Variants in BRD7 observed in about 807,000 individuals in gnomAD.
BRD7 encodes bromodomain containing 7, also known as bromodomain-containing protein 7.
Under a neutral mutation model 82.1 loss-of-function variants are expected in BRD7, and 15 were observed. That is an observed-to-expected ratio of 0.18 (90% CI 0.12 to 0.28). BRD7 has a LOEUF of 0.28. Among genes scored for constraint, BRD7 ranks in the 10% least tolerant of loss-of-function variants. The pLI, the probability that BRD7 is intolerant of heterozygous loss-of-function variation, is 1.00. For synonymous variants in BRD7, 232 were observed against 266.9 expected (o/e 0.87, Z 1.27); for missense variants, 638 against 779.9 (o/e 0.82, Z 2.17).
chr16:50,348,932 T>C (rs2038400358), intron 5 of BRD7: 1 of 152,286 alleles, frequency 6.6e-6, no homozygotes, highest in Non-Finnish European at 1.5e-5. Context: ...TTATAAATCA[T>C]GCTGCTATAA....
At chr16:50,334,686 C>A (rs1326030092) in intron 7 of BRD7, 25 bp downstream of exon 7, 3 of 1,609,986 alleles carry the variant, frequency 1.9e-6, no homozygotes, top group Non-Finnish European at 2.5e-6. Flanking sequence ...GACAGTTTGA[C>A]CTTAACATCC....
At position 50,317,855 on chromosome 16, in the gene BRD7, A is replaced by ATAAT. The variant is rs1226142939; in HGVS notation, c.*1352_*1355dup. On this transcript the variant is annotated 3_prime_UTR_variant, in exon 17 of 17. Transcript: ENST00000394688. ...TTCTCCTGAGTTAACTTTTGTGAAA[A>ATAAT]TAATACCTAAGGTTTTCTGGCTTAT... is the stretch of plus-strand genomic sequence containing the variant. The ATAAT allele has an allele frequency of 6.6e-6, 1 of 152,262 alleles. No individual in the cohort carries two copies. Among genetic ancestry groups the ATAAT allele is most frequent in the African/African-American group, 2.4e-5 (1 of 41,410 alleles). 9.4% of individuals were successfully genotyped at this position (152,262 alleles called of 1,614,324 possible). A position where few individuals can be genotyped will look rare whatever the true frequency, so the allele number is the denominator to read the frequency against.
intron 9 of BRD7, among the ~76,000 whole-genome samples, chr16:50,326,758 A>G (rs765151804): frequency 1.3e-5 from 2 of 152,252 alleles, no homozygotes; most frequent in Non-Finnish European, 2.9e-5. Flanking sequence ...GACTGAGGGA[A>G]AACACCTGCA....
intron 16 of BRD7, 31 bp from the exon 17 acceptor site, chr16:50,319,297 A>ATTGT (rs1422427709): frequency 1.9e-6 from 3 of 1,603,612 alleles, no homozygotes; most frequent in Non-Finnish European, 1.7e-6. Flanking sequence ...TTAATTCAAC[A>ATTGT]TTGTTTTTAC....
chr16:50,359,732 C>A (rs1737706069), intron 2 of BRD7, among the ~76,000 whole-genome samples: 2 of 152,092 alleles, frequency 1.3e-5, no homozygotes, highest in Admixed American at 1.3e-4. Flanking sequence ...AAAACAACAA[C>A]AAAACAGATT....
At chr16:50,362,274 G>T (rs967602086) in intron 2 of BRD7, among the ~76,000 whole-genome samples, 3 of 152,174 alleles carry the variant, frequency 2.0e-5, no homozygotes. Context: ...TGTGGGCAGA[G>T]GTTGGTGCCT....
intron 8 of BRD7, among the ~76,000 whole-genome samples, chr16:50,329,477 T>C (rs2037468433): frequency 6.6e-6 from 1 of 152,186 alleles, no homozygotes; most frequent in Admixed American, 6.5e-5. Flanking sequence ...GAACATGTGG[T>C]GAGCTAGTCA....
chr16:50,357,965 A>C (rs1412486627), intron 2 of BRD7, among the ~76,000 whole-genome samples: 1 of 151,894 alleles, frequency 6.6e-6, no homozygotes, highest in African/African-American at 2.4e-5. Flanking sequence ...GGGCGACAGA[A>C]CAAGACTCTG....
chr16:50,320,285 G>C lies in BRD7; in HGVS notation c.1719C>G (p.Ile573Met), dbSNP rs778627527. ...RLSTRPPPNM[I>M]CLLGPSYREM... Reference sequence around the variant, plus strand: ...CTCTGTATGAGGGACCCAAGAGACAGATCATGTTCGGAGGGGGTCTGGTGC... The same window carrying C: ...CTCTGTATGAGGGACCCAAGAGACACATCATGTTCGGAGGGGGTCTGGTGC... The change falls in exon 15 of 17, where the codon ATC becomes ATG. Residue 573 changes from isoleucine (I) to methionine (M), a missense_variant. Transcript: ENST00000394688. The C allele has an allele frequency of 1.2e-6, 2 of 1,614,214 alleles. No homozygotes were observed. Among genetic ancestry groups the C allele is most frequent in the Non-Finnish European group, 1.7e-6 (2 of 1,180,038 alleles).
chr16:50,363,618 T>C (rs1049383478), intron 2 of BRD7, among the ~76,000 whole-genome samples: 1 of 151,420 alleles, frequency 6.6e-6, no homozygotes, highest in African/African-American at 2.4e-5. Context: ...TTTTGAAAAA[T>C]TGTAAGGCTT....
intron 6 of BRD7, among the ~76,000 whole-genome samples, chr16:50,339,320 T>C (rs1190488626): frequency 6.6e-6 from 1 of 152,230 alleles, no homozygotes; most frequent in Non-Finnish European, 1.5e-5. Context: ...TGTGTGACCA[T>C]CAATGAGTAC....
rs777694128 is a variant in BRD7, at chr16:50,326,336, T to C, written c.1143A>G (p.Gly381=). The part of the protein sequence containing the change: ...LGMTTGRLQS[G]VNTLQGFKED... The stretch of plus-strand genomic sequence containing the variant: ...CTTTGAACCCCTGCAAAGTATTCAC[T>C]CCAGACTGAAGTCTTCCAGTTGTCA... The change falls in exon 10 of 17, where the codon GGA becomes GGG. Residue 381 remains glycine, a synonymous_variant. Transcript: ENST00000394688. 1.2e-6 allele frequency: 2 copies of C among 1,606,770 alleles called. No individual in the cohort carries two copies. The highest frequency in any genetic ancestry group is 1.7e-6 in the Non-Finnish European group (2 of 1,174,556).
chr16:50,366,984 C>G (rs891653336), intron 2 of BRD7, among the ~76,000 whole-genome samples: 1 of 152,002 alleles, frequency 6.6e-6, no homozygotes, highest in Non-Finnish European at 1.5e-5. Flanking sequence ...TCCTACCTAG[C>G]CAAAGGTAAT....
chr16:50,365,328 T>C (rs1202659142), intron 2 of BRD7, among the ~76,000 whole-genome samples: 1 of 152,220 alleles, frequency 6.6e-6, no homozygotes, highest in Non-Finnish European at 1.5e-5. Context: ...AAAACATCTG[T>C]AAGGTACAGA....
intron 4 of BRD7, among the ~76,000 whole-genome samples, chr16:50,352,791 G>C (rs1324190162): frequency 6.7e-6 from 1 of 149,568 alleles, no homozygotes; most frequent in African/African-American, 2.5e-5. Context: ...TAGTGATGGT[G>C]AGCATTTTTT....
chr16:50,327,910 C>G (rs2037407565), intron 9 of BRD7, among the ~76,000 whole-genome samples: 1 of 152,188 alleles, frequency 6.6e-6, no homozygotes, highest in South Asian at 2.1e-4. Flanking sequence ...CTGCTCACAG[C>G]AAACAATAAA....
Position 50,353,025 on chromosome 16 carries a change from A to T in BRD7, c.446+1400T>A, listed in dbSNP as rs549648537. ...CAAGTTATTTAAATATAAAGACTAG[A>T]TGTAATTTTTCTCAAACACCAAAAA... is the stretch of plus-strand genomic sequence containing the variant. On this transcript the variant is annotated intron_variant, in intron 4 of 16. Coordinates refer to ENST00000394688, the MANE Select transcript of BRD7 (RefSeq NM_013263.5). 2.9e-4 allele frequency among the ~76,000 whole-genome samples: 44 copies of T among 151,892 alleles called. No individual in the cohort carries two copies. The South Asian group carries it at 7.7e-3, about 27-fold the overall frequency.
chr16:50,334,955 T>TC, intron 6 of BRD7, 60 bp from the exon 7 acceptor site: 1 of 998,522 alleles, frequency 1.0e-6, no homozygotes, highest in Non-Finnish European at 1.4e-6. Context: ...AAGTAATGCA[T>TC]TTTTTTCCCC....
intron 2 of BRD7, 102 bp downstream of exon 2, chr16:50,367,988 T>G (rs1186483244): frequency 5.1e-6 from 6 of 1,179,430 alleles, no homozygotes; most frequent in Non-Finnish European, 7.4e-6. Context: ...AGCCAGATCT[T>G]AGAGGCGTTT....
Sources: gnomAD v4.1 joint callset for allele counts (sites outside exome capture counted in the v4.1 genomes callset) on GRCh38, gnomAD v4.1.1 for gene constraint, MANE v1.5 for transcripts, NCBI Gene and HGNC (gene_info 2026-07-23, HGNC 2026-07-21) for gene names.